ADA2: variants seen among roughly 807,000 people sequenced by gnomAD.
ADA2 encodes the protein adenosine deaminase 2, also known as adenosine deaminase CECR1.
Under a neutral mutation model 44.2 loss-of-function variants are expected in ADA2, and 29 were observed. That is an observed-to-expected ratio of 0.66 (90% CI 0.49 to 0.89). ADA2 has a LOEUF of 0.89. Among genes scored for constraint, ADA2 ranks in the 40% least tolerant of loss-of-function variants. The pLI is 0.00. For synonymous variants in ADA2, 215 were observed against 234.9 expected, an observed-to-expected ratio of 0.92 and a Z score of 0.77; for missense variants, 637 against 644.8, an observed-to-expected ratio of 0.99 and a Z score of 0.13.
At chr22:17,208,838 A>ATTTTTTT (rs796662081) in intron 2 of ADA2, among the ~76,000 whole-genome samples, 2 of 142,912 alleles carry the variant, frequency 1.4e-5, no homozygotes, top group Admixed American at 7.2e-5. Flanking sequence ...AAAAATTAAC[A>ATTTTTTT]TTTTTTGGGG....
chr22:17,219,820 G>A (rs754031717), upstream of ADA2, among the ~76,000 whole-genome samples: 9 of 151,888 alleles, frequency 5.9e-5, no homozygotes, highest in South Asian at 2.1e-4. Context: ...GATTGCAGGC[G>A]TGCGCCACCA....
chr22:17,198,052 AC>A (rs1568979863), intron 4 of ADA2, among the ~76,000 whole-genome samples: 4 of 151,728 alleles, frequency 2.6e-5, no homozygotes, highest in Admixed American at 6.6e-5. Context: ...AAAAAAAAAA[AC>A]AAAAAAATTG....
chr22:17,204,355 G>A (rs930138181), intron 3 of ADA2, among the ~76,000 whole-genome samples: 1 of 151,812 alleles, frequency 6.6e-6, no homozygotes, highest in South Asian at 2.1e-4. Context: ...GGTGGCTCAC[G>A]CCTGTAATCC....
chr22:17,188,868 A>AAAAAAAAAAAAAAAAAAAT lies in ADA2; in HGVS notation c.973-422_973-421insATTTTTTTTTTTTTTTTTT. On this transcript the variant is annotated intron_variant, in intron 6 of 9. Coordinates refer to ENST00000399837, the MANE Select transcript of ADA2 (RefSeq NM_001282225.2). ...CACTACAGCCTGGCCAAGAGCAAAA[A>AAAAAAAAAAAAAAAAAAAT]ATATATATATATATATATTTTGTAA... 86 of 81,152 alleles carry AAAAAAAAAAAAAAAAAAAT rather than the reference A, an allele frequency of 1.1e-3. 5 individuals carry two copies. Among genetic ancestry groups the AAAAAAAAAAAAAAAAAAAT allele is most frequent in the Non-Finnish European group, 1.6e-3 (60 of 36,816 alleles). 5.0% of individuals were successfully genotyped at this position (81,152 alleles called of 1,614,324 possible).
At chr22:17,181,765 C>T in intron 9 of ADA2, 55 bp downstream of exon 9, 1 of 1,497,514 alleles carries the variant, frequency 6.7e-7, no homozygotes, top group Non-Finnish European at 9.3e-7. Context: ...GAGAGGCAAA[C>T]ACAAGCTGCG....
At chr22:17,192,114 T>C (rs2062124130) in intron 4 of ADA2, among the ~76,000 whole-genome samples, 1 of 152,010 alleles carries the variant, frequency 6.6e-6, no homozygotes, top group Non-Finnish European at 1.5e-5. Flanking sequence ...TTCCCAAAAG[T>C]CCAGCCAGGC....
Position 17,183,720 on chromosome 22 carries a change from C to G in ADA2, c.1082-959G>C, listed in dbSNP as rs558963660. On this transcript the variant is annotated intron_variant, in intron 7 of 9. Coordinates refer to ENST00000399837, the MANE Select transcript of ADA2 (RefSeq NM_001282225.2). ...CAGGGGATCCACCCGCCTAGGCCTCCCAAAGTGCTGTGATTATAGGCATGA... is the reference window on the plus strand; with the variant it reads ...CAGGGGATCCACCCGCCTAGGCCTCGCAAAGTGCTGTGATTATAGGCATGA... Among the ~76,000 whole-genome samples, 3 of 152,060 alleles carry G rather than the reference C, an allele frequency of 2.0e-5. No individual in the cohort carries two copies. In the South Asian group the frequency reaches 6.2e-4, roughly 32 times the overall value.
chr22:17,199,431 T>TCTATCCACTTCCCCTCCCTCCCCTCCA, intron 4 of ADA2: 1 of 930,072 alleles, frequency 1.1e-6, no homozygotes, highest in Non-Finnish European at 1.7e-6. Context: ...CCTCCCCTCC[T>TCTATCCACTTCCCCTCCCTCCCCTCCA]CTATCCTCTT....
Position 17,209,378 on chromosome 22 carries a change from A to G in ADA2, c.300T>C (p.Asn100=), listed in dbSNP as rs776766882. The G allele has an allele frequency of 5.0e-6, 8 of 1,614,010 alleles. No homozygotes were observed. Among genetic ancestry groups the G allele is most frequent in the Non-Finnish European group, 5.9e-6 (7 of 1,179,988 alleles). The change falls in exon 2 of 10, where the codon AAT becomes AAC. Residue 100 remains asparagine, a synonymous_variant. Coordinates refer to ENST00000399837, the MANE Select transcript of ADA2 (RefSeq NM_001282225.2). ...KHLIERSQVF[N]ILRMMPKGAA... ...TACCTTTTGGCATCATCCTTAGAAT[A>G]TTAAACACTTGACTTCTCTCAATGA...
At chr22:17,196,297 T>A (rs1331415801) in intron 4 of ADA2, among the ~76,000 whole-genome samples, 4 of 122,402 alleles carry the variant, frequency 3.3e-5, no homozygotes, top group Admixed American at 1.1e-4. Flanking sequence ...TACTCCAGCC[T>A]AGGCAACAAA....
chr22:17,181,889 A>C lies in ADA2; in HGVS notation c.1373T>G (p.Val458Gly), dbSNP rs748893301. Reference protein sequence around the residue: ...AKGLSYDFYEVFMGIGGMKAD... With the variant: ...AKGLSYDFYEGFMGIGGMKAD... ...CTTCATCCCCCCAATGCCCATGAAG[A>C]CCTCATAGAAATCATAGGACAAGCC... is the stretch of plus-strand genomic sequence containing the variant. The change falls in exon 9 of 10, where the codon GTC becomes GGC. Residue 458 changes from valine (V) to glycine (G), a missense_variant. Transcript: ENST00000399837. 37 of 1,613,934 alleles carry C rather than the reference A, an allele frequency of 2.3e-5. No individual in the cohort carries two copies. The Admixed American group carries it at 4.3e-4, about 19-fold the overall frequency.
At chr22:17,199,638 G>T in intron 4 of ADA2, 1 of 1,613,720 alleles carries the variant, frequency 6.2e-7, no homozygotes, top group Admixed American at 1.7e-5. Context: ...CATTTGAGGT[G>T]GGCGTGGCTA....
intron 4 of ADA2, among the ~76,000 whole-genome samples, chr22:17,194,122 T>G (rs2062159881): frequency 6.6e-6 from 1 of 152,006 alleles, no homozygotes; most frequent in African/African-American, 2.4e-5. Context: ...CAGAGAAGGT[T>G]GCTAGTCCTG....
chr22:17,180,685 T>C lies in ADA2; in HGVS notation c.*798A>G, dbSNP rs1475106781. 1 of 152,164 alleles carries C rather than the reference T, an allele frequency of 6.6e-6. No individual in the cohort carries two copies. Among genetic ancestry groups the C allele is most frequent in the East Asian group, 1.9e-4 (1 of 5,194 alleles). The allele number at this position is 152,164 out of a possible 1,614,324, so 9.4% of individuals were successfully genotyped here. A position where few individuals can be genotyped will look rare whatever the true frequency, so the allele number is the denominator to read the frequency against. On this transcript the variant is annotated 3_prime_UTR_variant, in exon 10 of 10. Transcript: ENST00000399837. ...GGAAGAGACTGAGGGTTCAGAATTG[T>C]ACCTCATCAGTTTCTGAGATTCCTG... is the stretch of plus-strand genomic sequence containing the variant.
At chr22:17,191,004 C>T (rs1205559725) in intron 5 of ADA2, among the ~76,000 whole-genome samples, 1 of 152,234 alleles carries the variant, frequency 6.6e-6, no homozygotes, top group Non-Finnish European at 1.5e-5. Flanking sequence ...TGCCGGATCC[C>T]TTCGGTGCCC....
chr22:17,203,627 C>T lies in ADA2; in HGVS notation c.689G>A (p.Arg230Gln), dbSNP rs186116639. ...GTCCTCGTAGAACTCCTGCATGCTC[C>T]GGAAGACATAGTCTCTGAACACTGG... is the stretch of plus-strand genomic sequence containing the variant. ...YAPVFRDYVF[R>Q]SMQEFYEDNV... is the part of the protein sequence containing the mutation. Residue 230 changes from arginine (R) to glutamine (Q), a missense_variant, in exon 4 of 10, where the codon CGG becomes CAG. By Grantham distance (43) the Arg-to-Gln change is conservative. Transcript: ENST00000399837. 258 of 1,613,930 alleles carry T rather than the reference C, an allele frequency of 1.6e-4. 2 individuals carry two copies. In the East Asian group the frequency reaches 3.3e-3, roughly 21 times the overall value.
chr22:17,192,839 AAG>A (rs1018567438), intron 4 of ADA2: 2 of 374,612 alleles, frequency 5.3e-6, no homozygotes, highest in South Asian at 2.1e-5. Flanking sequence ...GAAAAAAAAA[AAG>A]GGGGGGCCCT....
At chr22:17,188,477 C>CT (rs2062066692) in intron 6 of ADA2, 30 bp from the exon 7 acceptor site, 6 of 1,510,640 alleles carry the variant, frequency 4.0e-6, no homozygotes, top group Non-Finnish European at 9.2e-7. Context: ...AGGGAGGTGT[C>CT]TGCAGGGCGC....
At chr22:17,204,648 G>A (rs1568985413) in intron 3 of ADA2, among the ~76,000 whole-genome samples, 1 of 151,636 alleles carries the variant, frequency 6.6e-6, no homozygotes, top group Non-Finnish European at 1.5e-5. Context: ...CCGCAGGAGT[G>A]CACATACAGA....
Sources: gnomAD v4.1 joint callset for allele counts (sites outside exome capture counted in the v4.1 genomes callset) on GRCh38, gnomAD v4.1.1 for gene constraint, MANE v1.5 for transcripts, NCBI Gene and HGNC (gene_info 2026-07-23, HGNC 2026-07-21) for gene names.